LIPH: variants seen among roughly 807,000 people sequenced by gnomAD.
The protein encoded by LIPH is lipase member H.
Under a neutral mutation model 47.6 loss-of-function variants are expected in LIPH, and 32 were observed. The ratio of observed to expected loss-of-function variants is 0.67; its 90% CI spans 0.51 to 0.90. LIPH has a LOEUF of 0.90. Among genes scored for constraint, LIPH ranks in the 40% least tolerant of loss-of-function variants. The pLI is 0.00. For synonymous variants in LIPH, 190 were observed against 195.6 expected (o/e 0.97, Z 0.24); for missense variants, 497 against 541.4 (o/e 0.92, Z 0.81).
intron 3 of LIPH, among the ~76,000 whole-genome samples, chr3:185,532,961 G>A (rs551033206): frequency 6.6e-6 from 1 of 152,204 alleles, no homozygotes; most frequent in South Asian, 2.1e-4. Context: ...ATCTAGGTAT[G>A]AGGATGGATT....
intron 3 of LIPH, among the ~76,000 whole-genome samples, chr3:185,531,801 A>T (rs181637391): frequency 9.9e-5 from 15 of 152,282 alleles, no homozygotes; most frequent in African/African-American, 3.4e-4. Flanking sequence ...AACAGAATGT[A>T]AAAAGTGAGA....
intron 9 of LIPH, among the ~76,000 whole-genome samples, chr3:185,510,409 T>C (rs1719524339): frequency 6.6e-6 from 1 of 152,208 alleles, no homozygotes; most frequent in South Asian, 2.1e-4. Context: ...TAATAATTCT[T>C]TCTCTCCTTC....
In LIPH at chr3:185,507,105, G is replaced by C. The variant is rs1462069253; in HGVS notation, c.*1685C>G. The stretch of plus-strand genomic sequence containing the variant: ...AATCCATTTTTGGCCGGGTGTGGTG[G>C]CTCATGCCTGTAATCCCAGCACTTT... On this transcript the variant is annotated 3_prime_UTR_variant, in exon 10 of 10. Transcript: ENST00000296252. 1 of 152,198 alleles carries C rather than the reference G, an allele frequency of 6.6e-6. No individual in the cohort carries two copies. The highest frequency in any genetic ancestry group is 2.4e-5 in the African/African-American group (1 of 41,452). 9.4% of individuals were successfully genotyped at this position (152,198 alleles called of 1,614,324 possible).
chr3:185,533,782 C>A, intron 2 of LIPH, 103 bp from the exon 3 acceptor site: 1 of 738,926 alleles, frequency 1.4e-6, no homozygotes, highest in Non-Finnish European at 2.4e-6. Flanking sequence ...ATTCTAAGCA[C>A]CTTACATCTA....
intron 7 of LIPH, among the ~76,000 whole-genome samples, 158 bp downstream of exon 7, chr3:185,516,909 A>T (rs888348862): frequency 6.6e-6 from 1 of 152,204 alleles, no homozygotes; most frequent in South Asian, 2.1e-4. Context: ...TCCCACAGCT[A>T]TTATGTGGTA....
intron 2 of LIPH, among the ~76,000 whole-genome samples, chr3:185,534,107 C>G (rs1027798381): frequency 5.9e-5 from 9 of 152,168 alleles, no homozygotes; most frequent in African/African-American, 2.2e-4. Context: ...CCTGTAATCC[C>G]AGCACTTTGG....
intron 4 of LIPH, among the ~76,000 whole-genome samples, chr3:185,526,578 A>C (rs867987926): frequency 1.0e-5 from 1 of 98,966 alleles, no homozygotes; most frequent in African/African-American, 3.5e-5. Context: ...ATAAAATAAA[A>C]ATAAGATAAA....
chr3:185,521,031 G>A (rs751439003), intron 5 of LIPH, among the ~76,000 whole-genome samples: 73 of 151,692 alleles, frequency 4.8e-4, no homozygotes, highest in Non-Finnish European at 9.4e-4. Context: ...CACCACTTCC[G>A]GCTAATTTTG....
rs186644271 is a variant in LIPH at position 185,518,700 on chromosome 3, A to T, written c.886+442T>A. Among the ~76,000 whole-genome samples the T allele has an allele frequency of 5.9e-5, 9 of 151,554 alleles. No individual in the cohort carries two copies. In the East Asian group the frequency reaches 1.2e-3, roughly 20 times the overall value. The stretch of plus-strand genomic sequence containing the variant: ...TTTAAAATTTTTTTCTTTTTAAGAA[A>T]TTTTTTTTTAAATTTTAACCTTTTA... On this transcript the variant is annotated intron_variant, in intron 6 of 9. Transcript: ENST00000296252.
At chr3:185,549,094 GC>G (rs1720975036) in intron 1 of LIPH, among the ~76,000 whole-genome samples, 1 of 150,402 alleles carries the variant, frequency 6.6e-6, no homozygotes, top group African/African-American at 2.4e-5. Context: ...TCGCACCACT[GC>G]AGTCCAGCCT....
At chr3:185,509,946 CTTTTTT>C (rs66966684) in intron 9 of LIPH, among the ~76,000 whole-genome samples, 2 of 118,454 alleles carry the variant, frequency 1.7e-5, no homozygotes. Flanking sequence ...TTTTTGTTTT[CTTTTTT>C]TTTTTTTTTT....
chr3:185,545,782 C>T (rs1720852346), intron 1 of LIPH, among the ~76,000 whole-genome samples: 1 of 152,130 alleles, frequency 6.6e-6, no homozygotes, highest in Admixed American at 6.6e-5. Flanking sequence ...GTTTGATGTC[C>T]AACTCCACTG....
chr3:185,527,238 C>CA (rs915428645), intron 4 of LIPH, among the ~76,000 whole-genome samples: 2 of 150,862 alleles, frequency 1.3e-5, no homozygotes, highest in African/African-American at 2.4e-5. Context: ...GACTCTGTCT[C>CA]AAAAAAAATT....
At chr3:185,523,975 G>C in intron 5 of LIPH, 96 bp downstream of exon 5, 1 of 821,942 alleles carries the variant, frequency 1.2e-6, no homozygotes, top group Non-Finnish European at 2.1e-6. Context: ...ACCCGTCTCG[G>C]CCTCCCAAAG....
Position 185,527,567 on chromosome 3 carries a change from G to A in LIPH, c.545C>T (p.Pro182Leu), listed in dbSNP as rs1251506312. ...TTGGTGAGGTTTCCCGTTGAATAAA[G>A]GGCCTGCAGGGTCGAGGCCTGGAAG... ...GRITGLDPAG[P>L]LFNGKPHQDR... The change falls in exon 4 of 10, where the codon CCT (proline) becomes CTT (leucine). Residue 182 changes from proline (P) to leucine (L), a missense_variant. Physicochemically the swap from Pro to Leu is moderately conservative, Grantham distance 98. Coordinates refer to ENST00000296252, the MANE Select transcript of LIPH (RefSeq NM_139248.3). The A allele has an allele frequency of 1.2e-6, 2 of 1,611,886 alleles. No homozygotes were observed. Among genetic ancestry groups the A allele is most frequent in the Non-Finnish European group, 8.5e-7 (1 of 1,179,198 alleles).
At chr3:185,512,475 T>C (rs138458530) in intron 8 of LIPH, among the ~76,000 whole-genome samples, 17 of 147,916 alleles carry the variant, frequency 1.1e-4, no homozygotes, top group Non-Finnish European at 2.4e-4. Flanking sequence ...AGGCTTGCTC[T>C]AGACATTAAT....
At chr3:185,539,340 CT>C (rs1216834370) in intron 1 of LIPH, among the ~76,000 whole-genome samples, 1 of 151,292 alleles carries the variant, frequency 6.6e-6, no homozygotes, top group Non-Finnish European at 1.5e-5. Flanking sequence ...TCCTTTTCAC[CT>C]TCTGAATCCC....
In LIPH at chr3:185,531,275, G is replaced by A. The variant is rs568707569; in HGVS notation, c.526+2296C>T. 4.6e-5 allele frequency among the ~76,000 whole-genome samples: 7 copies of A among 152,176 alleles called. No homozygotes were observed. In the South Asian group the frequency reaches 8.3e-4, roughly 18 times the overall value. ...TCAGAAGACTCATAAGTTCAGGTGC[G>A]GTGGCTCATGTCTGTAATCCCAGCA... On this transcript the variant is annotated intron_variant, in intron 3 of 9. Transcript: ENST00000296252.
intron 1 of LIPH, among the ~76,000 whole-genome samples, chr3:185,550,955 C>T (rs60221510): frequency 0.042 from 6,400 of 152,156 alleles, 266 homozygotes; most frequent in East Asian, 0.24. Context: ...AAGGCCAAGG[C>T]GGGTGGATCA....
Sources: allele counts gnomAD v4.1 joint callset (sites outside exome capture counted in the v4.1 genomes callset), GRCh38; gene constraint gnomAD v4.1.1; transcripts MANE v1.5; gene names NCBI Gene and HGNC (gene_info 2026-07-23, HGNC 2026-07-21).